The following PAWR variants were observed in gnomAD, a reference collection of about 807,000 sequenced individuals.
PAWR encodes the protein PRKC apoptosis WT1 regulator protein.
In PAWR, 23 loss-of-function variants were observed where a neutral mutation model predicts 32.0. That is an observed-to-expected ratio of 0.72 (90% CI 0.52 to 1.02). The LOEUF is 1.02. PAWR is among the 50% of genes least tolerant of loss of function. The probability of loss-of-function intolerance (pLI) is 0.00; values close to 1 mark genes in which losing one functional copy is unlikely to be tolerated. For missense variants in PAWR, 457 were observed against 437.7 expected, an observed-to-expected ratio of 1.04 and a Z score of -0.39; for synonymous variants, 226 against 187.1, an observed-to-expected ratio of 1.21 and a Z score of -1.70.
At chr12:79,608,912 GC>G (rs1874315348) in intron 4 of PAWR, among the ~76,000 whole-genome samples, 1 of 152,128 alleles carries the variant, frequency 6.6e-6, no homozygotes, top group Non-Finnish European at 1.5e-5. Flanking sequence ...AGGCATGGTG[GC>G]AGGTGCCTTT....
At chr12:79,646,738 C>A (rs984755540) in intron 2 of PAWR, among the ~76,000 whole-genome samples, 1 of 152,022 alleles carries the variant, frequency 6.6e-6, no homozygotes, top group African/African-American at 2.4e-5. Flanking sequence ...TAATTCAATA[C>A]AATTAGGTAG....
intron 2 of PAWR, among the ~76,000 whole-genome samples, chr12:79,623,198 C>G (rs772321111): frequency 3.4e-4 from 52 of 152,026 alleles, no homozygotes; most frequent in South Asian, 4.2e-4. Flanking sequence ...TGAAAGAAAT[C>G]TGGTATGGGA....
At position 79,589,923 on chromosome 12, in the gene PAWR, T is replaced by C. The variant is rs1486326675; in HGVS notation, c.*2684A>G. On this transcript the variant is annotated 3_prime_UTR_variant, in exon 7 of 7. Transcript: ENST00000328827. ...GACAAGTCTTTTAGGGTAGTGCACATGTACTTAAAAACTACCTTCTACCAA... is the reference window on the plus strand; with the variant it reads ...GACAAGTCTTTTAGGGTAGTGCACACGTACTTAAAAACTACCTTCTACCAA... 13 of 152,328 alleles carry C rather than the reference T, an allele frequency of 8.5e-5. No homozygotes were observed. The highest frequency in any genetic ancestry group is 2.4e-4 in the African/African-American group (10 of 41,584). 9.4% of individuals were successfully genotyped at this position (152,328 alleles called of 1,614,324 possible).
chr12:79,602,699 C>T (rs1162090894), intron 4 of PAWR, among the ~76,000 whole-genome samples: 2 of 151,948 alleles, frequency 1.3e-5, no homozygotes, highest in East Asian at 1.9e-4. Context: ...GTTTAGTTTG[C>T]TTAGCAGATA....
chr12:79,624,309 C>G (rs1452873622), intron 2 of PAWR, among the ~76,000 whole-genome samples: 1 of 151,918 alleles, frequency 6.6e-6, no homozygotes, highest in Non-Finnish European at 1.5e-5. Flanking sequence ...GACTCCCTTA[C>G]CAGTATATTA....
At position 79,690,124 on chromosome 12, in the gene PAWR, G is replaced by T; in HGVS notation, c.121C>A (p.Pro41Thr). The change falls in exon 2 of 7, where the codon CCC becomes ACC. Residue 41 changes from proline (P) to threonine (T), a missense_variant. Transcript: ENST00000328827. ...RAKQNPPGPA[P>T]PGGGSSDAAG... ...GCGTCGCTGCTGCCCCCTCCCGGGG[G>T]GGCCGGGCCCGGGGGGTTCTGCTTG... 6.6e-7 allele frequency: 1 copy of T among 1,504,428 alleles called. No individual in the cohort carries two copies. The highest frequency in any genetic ancestry group is 8.8e-7 in the Non-Finnish European group (1 of 1,129,958). 93.2% of individuals were successfully genotyped at this position (1,504,428 alleles called of 1,614,324 possible).
intron 2 of PAWR, among the ~76,000 whole-genome samples, chr12:79,625,103 G>GA (rs1213795205): frequency 6.6e-6 from 1 of 151,798 alleles, no homozygotes; most frequent in South Asian, 2.1e-4. Flanking sequence ...TATAATAATT[G>GA]AAAAAAAGTA....
intron 2 of PAWR, among the ~76,000 whole-genome samples, chr12:79,638,137 T>TCAAAAAAAAAAAAATACTGC (rs1876055802): frequency 6.8e-6 from 1 of 148,060 alleles, no homozygotes; most frequent in African/African-American, 2.6e-5. Context: ...CTTTTGGGTT[T>TCAAAAAAAAAAAAATACTGC]CAAAAAAAAA....
chr12:79,604,683 G>T (rs777931634), intron 4 of PAWR: 63 of 1,288,200 alleles, frequency 4.9e-5, no homozygotes, highest in South Asian at 7.4e-5. Context: ...CCCACTCCTC[G>T]TAACAGCTCC....
At chr12:79,623,061 C>G in intron 2 of PAWR, among the ~76,000 whole-genome samples, 1 of 152,006 alleles carries the variant, frequency 6.6e-6, no homozygotes, top group East Asian at 1.9e-4. Context: ...TGGGAAGAAC[C>G]TGGAAATAGC....
At chr12:79,626,664 T>C (rs1414506391) in intron 2 of PAWR, among the ~76,000 whole-genome samples, 1 of 151,860 alleles carries the variant, frequency 6.6e-6, no homozygotes, top group African/African-American at 2.4e-5. Flanking sequence ...TATATATACA[T>C]GTGCCATGTT....
Position 79,586,918 on chromosome 12 carries a change from G to A in PAWR, c.*5689C>T, listed in dbSNP as rs373845190. The A allele has an allele frequency of 8.5e-5, 13 of 152,152 alleles. No individual in the cohort carries two copies. The East Asian group carries it at 1.7e-3, about 20-fold the overall frequency. The allele number at this position is 152,152 out of a possible 1,614,324, so 9.4% of individuals were successfully genotyped here. ...AACCAGTCTCTCTCTTTAATATGAA[G>A]GCCCAACATTACATAATTCTTTTTA... On this transcript the variant is annotated 3_prime_UTR_variant, in exon 7 of 7. Transcript: ENST00000328827.
At chr12:79,677,113 C>T (rs536352501) in intron 2 of PAWR, among the ~76,000 whole-genome samples, 1 of 152,260 alleles carries the variant, frequency 6.6e-6, no homozygotes, top group Admixed American at 6.5e-5. Context: ...TTAACTTAAG[C>T]GTTCAAAAGG....
At position 79,625,909 on chromosome 12, in the gene PAWR, T is replaced by C. The variant is rs1015742408; in HGVS notation, c.517-4702A>G. On this transcript the variant is annotated intron_variant, in intron 2 of 6. Coordinates refer to ENST00000328827, the MANE Select transcript of PAWR (RefSeq NM_002583.4). ...AATATAAAGTATGGGCCGGGCACAG[T>C]GGTTCAGCACATTGGGAGTCCGAGG... Among the ~76,000 whole-genome samples the C allele has an allele frequency of 3.0e-4, 46 of 151,596 alleles. 1 individual carries two copies. Among genetic ancestry groups the C allele is most frequent in the Non-Finnish European group, 1.5e-5 (1 of 67,886 alleles).
intron 3 of PAWR, among the ~76,000 whole-genome samples, chr12:79,616,056 C>CA (rs140963642): frequency 0.32 from 23,268 of 71,822 alleles, 5,156 homozygotes; most frequent in African/African-American, 0.62. Context: ...GACCCTGTCT[C>CA]AAAAAAAAAA....
chr12:79,596,838 A>G (rs1468414249), intron 4 of PAWR, 180 bp from the exon 5 acceptor site: 8 of 514,840 alleles, frequency 1.6e-5, no homozygotes, highest in African/African-American at 9.9e-5. Context: ...ATGTAAAAGT[A>G]CCATTAATTC....
chr12:79,617,982 A>C (rs1874824329), intron 3 of PAWR, among the ~76,000 whole-genome samples: 1 of 152,182 alleles, frequency 6.6e-6, no homozygotes, highest in African/African-American at 2.4e-5. Context: ...GAAGCTGAGC[A>C]CATGTTGATG....
At chr12:79,640,791 T>C (rs1876284506) in intron 2 of PAWR, among the ~76,000 whole-genome samples, 1 of 152,100 alleles carries the variant, frequency 6.6e-6, no homozygotes, top group Non-Finnish European at 1.5e-5. Context: ...CCCTGGCATG[T>C]AAAAGAGAAA....
intron 2 of PAWR, among the ~76,000 whole-genome samples, chr12:79,661,570 G>A (rs890271511): frequency 2.6e-5 from 4 of 152,018 alleles, no homozygotes; most frequent in Admixed American, 6.6e-5. Context: ...GTTTTAAGCC[G>A]TAAGAAGATA....
Sources: gnomAD v4.1 joint callset for allele counts (sites outside exome capture counted in the v4.1 genomes callset) on GRCh38, gnomAD v4.1.1 for gene constraint, MANE v1.5 for transcripts, NCBI Gene and HGNC (gene_info 2026-07-23, HGNC 2026-07-21) for gene names.